Variants in TTLL2 observed in about 807,000 individuals in gnomAD.
TTLL2 encodes probable tubulin polyglutamylase TTLL2.
In TTLL2, 10 loss-of-function variants were observed where a neutral mutation model predicts 7.5. The observed-to-expected ratio is 1.33, with a 90% CI of 0.82 to 2.25. The LOEUF is 2.25. Ranked by LOEUF, TTLL2 falls within the 30% of genes most tolerant of loss-of-function variation. TTLL2 has a pLI of 0.00. For synonymous variants in TTLL2, 284 were observed against 280.3 expected, an observed-to-expected ratio of 1.01 and a Z score of -0.13; for missense variants, 733 against 735.7, an observed-to-expected ratio of 1.00 and a Z score of 0.04.
intron 1 of TTLL2, among the ~76,000 whole-genome samples, chr6:167,331,896 T>C (rs1778924442): frequency 1.3e-5 from 2 of 152,190 alleles, no homozygotes; most frequent in African/African-American, 2.4e-5. Context: ...GTAAATTTGT[T>C]CTGACGACGA....
chr6:167,340,442 C>G lies in TTLL2; in HGVS notation c.542C>G (p.Thr181Arg). 1 of 1,614,176 alleles carries G rather than the reference C, an allele frequency of 6.2e-7. No homozygotes were observed. The highest frequency in any genetic ancestry group is 8.5e-7 in the Non-Finnish European group (1 of 1,180,036). The change falls in exon 3 of 3, where the codon ACG becomes AGG. Residue 181 changes from threonine to arginine, a missense_variant. By Grantham distance (71) the Thr-to-Arg change is moderately conservative (BLOSUM62 -1). Transcript: ENST00000239587. ...GTSLYQFIPL[T>R]FVMPNDYTKF... ...TCCCTGTACCAGTTCATCCCCCTGACGTTCGTCATGCCCAATGACTATACC... is the reference window on the plus strand; with the variant it reads ...TCCCTGTACCAGTTCATCCCCCTGAGGTTCGTCATGCCCAATGACTATACC...
intron 1 of TTLL2, among the ~76,000 whole-genome samples, chr6:167,326,578 C>A (rs993355233): frequency 1.3e-5 from 2 of 152,132 alleles, no homozygotes; most frequent in South Asian, 2.1e-4. Flanking sequence ...AGCTACTGTG[C>A]GTTCCTACCC....
At position 167,338,706 on chromosome 6, in the gene TTLL2, C is replaced by G. The variant is rs746659712; in HGVS notation, c.107C>G (p.Thr36Ser). ...AACATTCCATCCGAGGCAAACCACA[C>G]TGAGCAGCCGCCTGCAGGCCTGGGA... ...TLNIPSEANH[T>S]EQPPAGLGAR... The change falls in exon 2 of 3, where the codon ACT (threonine) becomes AGT (serine). Residue 36 changes from threonine to serine, a missense_variant. By Grantham distance (58) the Thr-to-Ser change is moderately conservative (BLOSUM62 1). Coordinates refer to ENST00000239587, the MANE Select transcript of TTLL2 (RefSeq NM_031949.5). 3.7e-6 allele frequency: 6 copies of G among 1,614,166 alleles called. No homozygotes were observed. Among genetic ancestry groups the G allele is most frequent in the Admixed American group, 1.7e-5 (1 of 60,026 alleles).
Position 167,338,954 on chromosome 6 carries a change from C to T in TTLL2, c.204+151C>T. On this transcript the variant is annotated intron_variant, in intron 2 of 2. Transcript: ENST00000239587. Reference sequence around the variant, plus strand: ...TCCTTCCTTCCCTTCCTCCTTCCTGCTCTCCCTCTTTCTTTCTCTGCTTGC... The same window carrying T: ...TCCTTCCTTCCCTTCCTCCTTCCTGTTCTCCCTCTTTCTTTCTCTGCTTGC... 5 of 800,088 alleles carry T rather than the reference C, an allele frequency of 6.2e-6. No homozygotes were observed. The Admixed American group carries it at 1.3e-4, about 21-fold the overall frequency. The allele number at this position is 800,088 out of a possible 1,614,324, so 49.6% of individuals were successfully genotyped here.
chr6:167,341,352 T>C lies in TTLL2; in HGVS notation c.1452T>C (p.Pro484=). ...TGAGTGTGCGTCCTGAAGCTGCACC[T>C]GCCTCCCAGCTGGAAGGAGAGATGA... ...KAVSVRPEAA[P]ASQLEGEMSG... The change falls in exon 3 of 3, where the codon CCT becomes CCC. Residue 484 remains proline (P), a synonymous_variant. Coordinates refer to ENST00000239587, the MANE Select transcript of TTLL2 (RefSeq NM_031949.5). 1 of 1,613,862 alleles carries C rather than the reference T, an allele frequency of 6.2e-7. No homozygotes were observed. Among genetic ancestry groups the C allele is most frequent in the Non-Finnish European group, 8.5e-7 (1 of 1,179,986 alleles).
intron 1 of TTLL2, among the ~76,000 whole-genome samples, chr6:167,327,153 G>T (rs923675396): frequency 6.6e-6 from 1 of 152,154 alleles, no homozygotes; most frequent in Non-Finnish European, 1.5e-5. Flanking sequence ...AGGAACAGTC[G>T]CTTAGCATTC....
rs1221258352 is a variant in TTLL2 at position 167,342,029 on chromosome 6, A to G, written c.*350A>G. On this transcript the variant is annotated 3_prime_UTR_variant, in exon 3 of 3. Coordinates refer to ENST00000239587, the MANE Select transcript of TTLL2 (RefSeq NM_031949.5). ...ATTATTCTAATATTTTTAAAGGATT[A>G]TTAGGTGAAAACAGTACAAAAGAAG... 5.4e-6 allele frequency: 1 copy of G among 184,966 alleles called. No homozygotes were observed. Among genetic ancestry groups the G allele is most frequent in the Non-Finnish European group, 1.1e-5 (1 of 88,982 alleles). 11.5% of individuals were successfully genotyped at this position (184,966 alleles called of 1,614,324 possible). A position where few individuals can be genotyped will look rare whatever the true frequency, so the allele number is the denominator to read the frequency against.
At position 167,340,963 on chromosome 6, in the gene TTLL2, G is replaced by C. The variant is rs557136962; in HGVS notation, c.1063G>C (p.Ala355Pro). 8.7e-6 allele frequency: 14 copies of C among 1,613,964 alleles called. No homozygotes were observed. The East Asian group carries it at 3.1e-4, about 36-fold the overall frequency. ...IHRMVILTIL[A>P]IAPSVPFAAN... ...CCGCATGGTTATTCTCACCATTCTC[G>C]CCATTGCACCATCTGTCCCCTTTGC... is the stretch of plus-strand genomic sequence containing the variant. Residue 355 changes from alanine (A) to proline (P), a missense_variant, in exon 3 of 3, where the codon GCC becomes CCC. Physicochemically the swap from Ala to Pro is conservative, Grantham distance 27. Transcript: ENST00000239587.
At position 167,330,142 on chromosome 6, in the gene TTLL2, C is replaced by T. The variant is rs540052357; in HGVS notation, c.47+4922C>T. Reference sequence around the variant, plus strand: ...AAGTTAGCCATAAATCTCCTGGCTTCCGACCTAGAAAACAGATGTTATAAA... The same window carrying T: ...AAGTTAGCCATAAATCTCCTGGCTTTCGACCTAGAAAACAGATGTTATAAA... On this transcript the variant is annotated intron_variant, in intron 1 of 2. Coordinates refer to ENST00000239587, the MANE Select transcript of TTLL2 (RefSeq NM_031949.5). Among the ~76,000 whole-genome samples the T allele has an allele frequency of 2.6e-4, 39 of 152,214 alleles. No homozygotes were observed. In the South Asian group the frequency reaches 8.1e-3, roughly 32 times the overall value.
At chr6:167,337,122 C>T (rs1399765887) in intron 1 of TTLL2, among the ~76,000 whole-genome samples, 4 of 152,236 alleles carry the variant, frequency 2.6e-5, no homozygotes, top group Non-Finnish European at 2.9e-5. Flanking sequence ...TCAAACCAAC[C>T]GCTGGCTGTG....
intron 1 of TTLL2, chr6:167,328,034 A>G (rs1359394563): frequency 4.4e-6 from 2 of 456,150 alleles, no homozygotes; most frequent in East Asian, 1.4e-4. Context: ...CTGGTGTTGA[A>G]TCACATGGTT....
chr6:167,337,783 A>T (rs1779008180), intron 1 of TTLL2, among the ~76,000 whole-genome samples: 1 of 141,708 alleles, frequency 7.1e-6, no homozygotes, highest in Non-Finnish European at 1.5e-5. Flanking sequence ...ACACACACAC[A>T]CCACACACAA....
intron 1 of TTLL2, among the ~76,000 whole-genome samples, chr6:167,331,445 G>A (rs377227590): frequency 6.6e-6 from 1 of 152,106 alleles, no homozygotes; most frequent in East Asian, 1.9e-4. Flanking sequence ...AACCTCTGTT[G>A]TACGTTTTAC....
Position 167,338,724 on chromosome 6 carries a change from G to T in TTLL2, c.125G>T (p.Gly42Val). The change falls in exon 2 of 3, where the codon GGC becomes GTC. Residue 42 changes from glycine to valine, a missense_variant. Physicochemically the swap from Gly to Val is moderately radical, Grantham distance 109. Transcript: ENST00000239587. The stretch of plus-strand genomic sequence containing the variant: ...AACCACACTGAGCAGCCGCCTGCAG[G>T]CCTGGGAGCAAGGCTACAGGAAGCA... ...EANHTEQPPAGLGARLQEAGV... is the reference protein window; with the variant it reads ...EANHTEQPPAVLGARLQEAGV... The T allele has an allele frequency of 6.2e-7, 1 of 1,614,094 alleles. No individual in the cohort carries two copies. Among genetic ancestry groups the T allele is most frequent in the Non-Finnish European group, 8.5e-7 (1 of 1,179,996 alleles).
At position 167,341,572 on chromosome 6, in the gene TTLL2, C is replaced by G. The variant is rs1372010590; in HGVS notation, c.1672C>G (p.Leu558Val). ...AGATCCCCAAGCAGGCAACTTTGTT[C>G]TTGTTTTTCCTTTCAATGAAGCAAC... ...APDPQAGNFV[L>V]VFPFNEATLG... The change falls in exon 3 of 3, where the codon CTT becomes GTT. Residue 558 changes from leucine to valine, a missense_variant. Coordinates refer to ENST00000239587, the MANE Select transcript of TTLL2 (RefSeq NM_031949.5). The G allele has an allele frequency of 1.2e-6, 2 of 1,614,162 alleles. No homozygotes were observed. Among genetic ancestry groups the G allele is most frequent in the Non-Finnish European group, 1.7e-6 (2 of 1,180,052 alleles).
chr6:167,325,329 G>A (rs1201067891), intron 1 of TTLL2, 109 bp downstream of exon 1: 13 of 1,160,664 alleles, frequency 1.1e-5, no homozygotes, highest in African/African-American at 1.6e-5. Context: ...TAGGAGCAGC[G>A]AGTGTGCACT....
intron 1 of TTLL2, among the ~76,000 whole-genome samples, chr6:167,332,601 T>C (rs1280121242): frequency 2.1e-5 from 3 of 145,754 alleles, no homozygotes; most frequent in East Asian, 4.0e-4. Flanking sequence ...TTTGTTTGTA[T>C]CCTCTTTTAT....
At chr6:167,329,137 G>C (rs201720132) in intron 1 of TTLL2, among the ~76,000 whole-genome samples, 1 of 151,262 alleles carries the variant, frequency 6.6e-6, no homozygotes, top group African/African-American at 2.4e-5. Context: ...GGACCTGCTC[G>C]CAGAACCCCT....
chr6:167,340,308 C>T lies in TTLL2; in HGVS notation c.408C>T (p.Asn136=), dbSNP rs187692933. Reference sequence around the variant, plus strand: ...CCTCTTTCCGAATGACCGAACACAACAGTGTTAAACCGTGGCAGCAGCTAA... The same window carrying T: ...CCTCTTTCCGAATGACCGAACACAATAGTGTTAAACCGTGGCAGCAGCTAA... ...RTSSFRMTEH[N]SVKPWQQLNH... The change falls in exon 3 of 3, where the codon AAC becomes AAT. Residue 136 remains asparagine, a synonymous_variant. Coordinates refer to ENST00000239587, the MANE Select transcript of TTLL2 (RefSeq NM_031949.5). 663 of 1,614,144 alleles carry T rather than the reference C, an allele frequency of 4.1e-4. 4 individuals are homozygous for T. In the Admixed American group the frequency reaches 8.7e-3, roughly 21 times the overall value.
Sources: allele counts gnomAD v4.1 joint callset (sites outside exome capture counted in the v4.1 genomes callset), GRCh38; gene constraint gnomAD v4.1.1; transcripts MANE v1.5; gene names NCBI Gene and HGNC (gene_info 2026-07-23, HGNC 2026-07-21).